The following NCOA1 variants were observed in gnomAD, a reference collection of about 807,000 sequenced individuals.
NCOA1 encodes Hin-2 protein.
In NCOA1, 35 loss-of-function variants were observed where a neutral mutation model predicts 150.9. That is an observed-to-expected ratio of 0.23 (90% CI 0.18 to 0.31). The LOEUF (loss-of-function observed/expected upper bound fraction) is 0.31, where lower values mean the gene tolerates loss of function less well. Ranked by LOEUF, NCOA1 falls within the 10% of genes least tolerant of loss-of-function variation. NCOA1 has a pLI of 1.00. For missense variants in NCOA1, 1,491 were observed against 1,749.3 expected, an observed-to-expected ratio of 0.85 and a Z score of 2.63; for synonymous variants, 590 against 630.0, an observed-to-expected ratio of 0.94 and a Z score of 0.95.
chr2:24,658,596 C>T (rs1671047220), intron 4 of NCOA1, 65 bp from the exon 5 acceptor site: 1 of 1,200,042 alleles, frequency 8.3e-7, no homozygotes, highest in Admixed American at 1.8e-5. Context: ...AGGGGAGCTT[C>T]CCTACCTTTA....
intron 1 of NCOA1, among the ~76,000 whole-genome samples, chr2:24,505,865 C>A (rs781642441): frequency 6.6e-6 from 1 of 152,030 alleles, no homozygotes; most frequent in Non-Finnish European, 1.5e-5. Context: ...GTTGCTAAGC[C>A]GAGTTAACGT....
At chr2:24,748,130 A>G (rs947687768) in intron 19 of NCOA1, among the ~76,000 whole-genome samples, 6 of 152,084 alleles carry the variant, frequency 3.9e-5, no homozygotes, top group African/African-American at 1.4e-4. Flanking sequence ...AAGAAAAAAA[A>G]ATGGAGACCC....
At chr2:24,571,190 A>G (rs777373601) in intron 2 of NCOA1, among the ~76,000 whole-genome samples, 3 of 151,902 alleles carry the variant, frequency 2.0e-5, no homozygotes, top group Non-Finnish European at 4.4e-5. Context: ...TGATCGTGCA[A>G]CTAGACACTT....
intron 2 of NCOA1, among the ~76,000 whole-genome samples, chr2:24,573,013 C>T (rs1666803492): frequency 6.6e-6 from 1 of 152,076 alleles, no homozygotes; most frequent in Admixed American, 6.5e-5. Context: ...TCTGGATGCT[C>T]TGGAAACCAA....
intron 14 of NCOA1, among the ~76,000 whole-genome samples, chr2:24,714,162 C>T (rs544505511): frequency 3.3e-5 from 5 of 152,252 alleles, no homozygotes; most frequent in African/African-American, 1.2e-4. Flanking sequence ...TTACCCTAGA[C>T]CTGCTTTGAC....
intron 1 of NCOA1, among the ~76,000 whole-genome samples, chr2:24,496,913 C>G (rs575952876): frequency 2.4e-4 from 36 of 152,276 alleles, no homozygotes; most frequent in African/African-American, 8.2e-4. Context: ...ATATGACTCT[C>G]AAATATTGTA....
chr2:24,676,994 G>T (rs1671940488), intron 7 of NCOA1, among the ~76,000 whole-genome samples: 1 of 152,126 alleles, frequency 6.6e-6, no homozygotes, highest in African/African-American at 2.4e-5. Context: ...CCTACAGCTG[G>T]TATCCCTGAC....
chr2:24,574,389 A>G (rs1218941929), intron 2 of NCOA1, among the ~76,000 whole-genome samples: 3 of 152,226 alleles, frequency 2.0e-5, no homozygotes, highest in Admixed American at 6.5e-5. Flanking sequence ...ATTATAGAAA[A>G]GATGGAAATA....
chr2:24,518,194 A>G (rs1664283479), intron 1 of NCOA1, among the ~76,000 whole-genome samples: 1 of 152,200 alleles, frequency 6.6e-6, no homozygotes, highest in African/African-American at 2.4e-5. Context: ...AAAATTAATG[A>G]ACGTATTTTA....
At chr2:24,520,315 A>G (rs1398226283) in intron 1 of NCOA1, among the ~76,000 whole-genome samples, 1 of 152,200 alleles carries the variant, frequency 6.6e-6, no homozygotes, top group Non-Finnish European at 1.5e-5. Flanking sequence ...TATTATAGCA[A>G]TGTTATTTTT....
At chr2:24,638,814 G>A (rs1446473663) in intron 3 of NCOA1, among the ~76,000 whole-genome samples, 1 of 152,092 alleles carries the variant, frequency 6.6e-6, no homozygotes, top group Non-Finnish European at 1.5e-5. Context: ...AGAAATGCCT[G>A]TTCAGATTAT....
chr2:24,494,568 A>T (rs886191331), intron 1 of NCOA1, among the ~76,000 whole-genome samples: 1 of 152,198 alleles, frequency 6.6e-6, no homozygotes, highest in Non-Finnish European at 1.5e-5. Context: ...TTGTTTTGGC[A>T]TTGGTTTTTG....
chr2:24,715,890 C>T (rs1367720357), intron 14 of NCOA1, among the ~76,000 whole-genome samples: 2 of 152,144 alleles, frequency 1.3e-5, no homozygotes, highest in Non-Finnish European at 2.9e-5. Context: ...CGCCTGTAAT[C>T]CCAGCACTTT....
chr2:24,492,331 ACAGAATTCGGG>A (rs1217574997), intron 1 of NCOA1: 1 of 152,206 alleles, frequency 6.6e-6, no homozygotes, highest in Non-Finnish European at 1.5e-5. Flanking sequence ...GTGGGCAGTG[ACAGAATTCGGG>A]CCGCTCTCTA....
chr2:24,743,620 A>G (rs939368093), intron 19 of NCOA1, among the ~76,000 whole-genome samples: 17 of 152,208 alleles, frequency 1.1e-4, no homozygotes, highest in Non-Finnish European at 2.2e-4. Flanking sequence ...GTGTCTTACA[A>G]TTTCTGTATG....
intron 3 of NCOA1, among the ~76,000 whole-genome samples, chr2:24,617,013 G>A (rs1397679099): frequency 1.3e-5 from 2 of 152,088 alleles, no homozygotes; most frequent in African/African-American, 4.8e-5. Flanking sequence ...CAAAACCTTG[G>A]ATGGAGAGAT....
rs149369966 is a variant in NCOA1 at position 24,546,131 on chromosome 2, T to A, written c.-395-18164T>A. 3.6e-3 allele frequency among the ~76,000 whole-genome samples: 553 copies of A among 152,104 alleles called. 3 individuals are homozygous for A. The highest frequency in any genetic ancestry group is 0.01 in the Middle Eastern group (3 of 294). On this transcript the variant is annotated intron_variant, in intron 1 of 22. Transcript: ENST00000348332. ...ATCACAAACTGACAGCTATTTAGTG[T>A]CTATCAAAAGTTCACTGAAGCTATG...
intron 8 of NCOA1, among the ~76,000 whole-genome samples, chr2:24,688,738 A>G (rs904693194): frequency 6.6e-6 from 1 of 152,090 alleles, no homozygotes; most frequent in Non-Finnish European, 1.5e-5. Flanking sequence ...TGCTGTGCAG[A>G]TGATCTTATA....
chr2:24,586,045 C>T (rs893964178), intron 3 of NCOA1, among the ~76,000 whole-genome samples: 3 of 151,760 alleles, frequency 2.0e-5, no homozygotes, highest in South Asian at 2.1e-4. Context: ...GAGGCTGAGG[C>T]GGGTGGATCA....
Sources: allele counts gnomAD v4.1 joint callset (sites outside exome capture counted in the v4.1 genomes callset), GRCh38; gene constraint gnomAD v4.1.1; transcripts MANE v1.5; gene names NCBI Gene and HGNC (gene_info 2026-07-23, HGNC 2026-07-21).